The following THBS3 variants were observed in gnomAD, a reference collection of about 807,000 sequenced individuals.
The protein encoded by THBS3 is thrombospondin-3.
A neutral mutation model predicts 118.3 loss-of-function variants in THBS3; 78 were observed. The ratio of observed to expected loss-of-function variants is 0.66; its 90% CI spans 0.55 to 0.80. THBS3 has a LOEUF of 0.80. Among genes scored for constraint, THBS3 ranks in the 30% least tolerant of loss-of-function variants. THBS3 has a pLI of 0.00. For missense variants in THBS3, 1,057 were observed against 1,247.4 expected, an observed-to-expected ratio of 0.85 and a Z score of 2.30; for synonymous variants, 427 against 475.3, an observed-to-expected ratio of 0.90 and a Z score of 1.32.
chr1:155,196,174 G>T, intron 21 of THBS3, 48 bp from the exon 22 acceptor site: 1 of 1,607,236 alleles, frequency 6.2e-7, no homozygotes, highest in South Asian at 1.1e-5. Context: ...TAGGGTGCCA[G>T]TGGGCACTGT....
In THBS3 at chr1:155,197,603, T is replaced by C; in HGVS notation, c.2359A>G (p.Thr787Ala). 6.2e-7 allele frequency: 1 copy of C among 1,612,730 alleles called. No individual in the cohort carries two copies. The highest frequency in any genetic ancestry group is 8.5e-7 in the Non-Finnish European group (1 of 1,179,808). Residue 787 changes from threonine (T) to alanine (A), a missense_variant, in exon 20 of 23, where the codon ACT becomes GCT. By Grantham distance (58) the Thr-to-Ala change is moderately conservative. Transcript: ENST00000368378. This position sits in a 1 kb window ranked among gnomAD's most constrained non-coding sequence, Gnocchi z 5.0. Reference sequence around the variant, plus strand: ...AGAAAGCCTGCGTAGTCATCATCAGTCACTGTGTTCACATGGAAGGTGCCT... The same window carrying C: ...AGAAAGCCTGCGTAGTCATCATCAGCCACTGTGTTCACATGGAAGGTGCCT... ...FEGTFHVNTV[T>A]DDDYAGFLFS...
chr1:155,203,487 C>T (rs908483030), intron 5 of THBS3, 26 bp downstream of exon 5: 37 of 1,612,924 alleles, frequency 2.3e-5, no homozygotes, highest in Non-Finnish European at 2.9e-5. Flanking sequence ...CCGCTCCCCG[C>T]TTCCGCTTCA....
Position 155,197,098 on chromosome 1 carries a change from C to T in THBS3, c.2615G>A (p.Arg872Gln), listed in dbSNP as rs1261376828. 11 of 1,614,048 alleles carry T rather than the reference C, an allele frequency of 6.8e-6. No homozygotes were observed. The highest frequency in any genetic ancestry group is 2.2e-5 in the East Asian group (1 of 44,902). ...LWTDPRNVGW[R>Q]DKTSYRWQLL... ...CTGCCAGCGATAGGAGGTCTTGTCCCGCCAGCCCACATTTCGTGGGTCTGT... is the reference window on the plus strand; with the variant it reads ...CTGCCAGCGATAGGAGGTCTTGTCCTGCCAGCCCACATTTCGTGGGTCTGT... The change falls in exon 21 of 23, where the codon CGG becomes CAG. Residue 872 changes from arginine (R) to glutamine (Q), a missense_variant. Transcript: ENST00000368378. The surrounding 1 kb of genome is among the most constrained non-coding windows in gnomAD (Gnocchi z 5.0).
In THBS3 at chr1:155,197,682, G is replaced by T; in HGVS notation, c.2303-23C>A. The T allele has an allele frequency of 6.2e-7, 1 of 1,606,814 alleles. No individual in the cohort carries two copies. The highest frequency in any genetic ancestry group is 1.3e-5 in the African/African-American group (1 of 74,816). On this transcript the variant is annotated intron_variant, in intron 19 of 22. Transcript: ENST00000368378. The surrounding 1 kb of genome is among the most constrained non-coding windows in gnomAD (Gnocchi z 5.0). The stretch of plus-strand genomic sequence containing the variant: ...ATCCTGGGGTGGGGGTGGGATAAAG[G>T]TCAGGGGCAGCAAAGCTACTGGCGG...
rs199961310 is a variant in THBS3 at position 155,207,770 on chromosome 1, C to T, written c.79+28G>A. On this transcript the variant is annotated intron_variant, in intron 1 of 22. Transcript: ENST00000368378. The stretch of plus-strand genomic sequence containing the variant: ...GGGCAAATGGGGAAGAAGCAGAGAG[C>T]GGTCTAAGAGGATGGAGACAGGCTT... 3.1e-6 allele frequency: 5 copies of T among 1,609,478 alleles called. No homozygotes were observed. In the African/African-American group the frequency reaches 4.0e-5, roughly 13 times the overall value.
Position 155,200,869 on chromosome 1 carries a change from T to A in THBS3, c.1548+28A>T. On this transcript the variant is annotated intron_variant, in intron 13 of 22. Transcript: ENST00000368378. ...AGGACAGGAGGAGGGGAGAGGAGCT[T>A]CAAGGGGCAGGGCAGTCTGGGAGTC... The A allele has an allele frequency of 1.9e-6, 3 of 1,613,984 alleles. No homozygotes were observed. The Middle Eastern group carries it at 4.9e-4, about 266-fold the overall frequency.
In THBS3 at chr1:155,195,801, G is replaced by C. The variant is rs780766488; in HGVS notation, c.*40C>G. ...CTCCAGGATGGACCCCAAGGCCAAA[G>C]GGTCTAAAATTCTGAATTCTGAATC... On this transcript the variant is annotated 3_prime_UTR_variant, in exon 23 of 23. Transcript: ENST00000368378. The C allele has an allele frequency of 6.2e-7, 1 of 1,608,466 alleles. No homozygotes were observed. The highest frequency in any genetic ancestry group is 8.5e-7 in the Non-Finnish European group (1 of 1,178,282).
intron 16 of THBS3, 60 bp downstream of exon 16, chr1:155,199,744 G>C: frequency 6.3e-7 from 1 of 1,588,074 alleles, no homozygotes; most frequent in South Asian, 1.1e-5. Flanking sequence ...GACAGAGCAA[G>C]ACTCCGTCTC....
In THBS3 at chr1:155,204,417, C is replaced by T. The variant is rs545483045; in HGVS notation, c.646+438G>A. The stretch of plus-strand genomic sequence containing the variant: ...CCAGCCTGGCCAACGTGGTGAAATC[C>T]CATCTCTACTAAAAATGCAAAAATT... On this transcript the variant is annotated intron_variant, in intron 4 of 22. Transcript: ENST00000368378. Among the ~76,000 whole-genome samples the T allele has an allele frequency of 3.3e-5, 5 of 151,952 alleles. No individual in the cohort carries two copies. The East Asian group carries it at 9.8e-4, about 30-fold the overall frequency.
upstream of THBS3, chr1:155,207,997 G>A: frequency 4.3e-6 from 2 of 469,510 alleles, no homozygotes; most frequent in South Asian, 3.8e-5. Context: ...GCAGGCGGGT[G>A]AGGGGGGGCT....
At chr1:155,209,111 GC>G, upstream of THBS3, 1 of 1,542,762 alleles carries the variant, frequency 6.5e-7, no homozygotes. Context: ...TGCCAGTCGG[GC>G]CAGAAGAAGC....
In THBS3 at chr1:155,195,631, C is replaced by A. The variant is rs941171478; in HGVS notation, c.*210G>T. ...TTTATGGCAATGTGCTGTCATCTTT[C>A]CTGGGGTTAGTGCCTGAGTAATACC... On this transcript the variant is annotated 3_prime_UTR_variant, in exon 23 of 23. Coordinates refer to ENST00000368378, the MANE Select transcript of THBS3 (RefSeq NM_007112.5). The A allele has an allele frequency of 5.3e-6, 3 of 565,774 alleles. No individual in the cohort carries two copies. Among genetic ancestry groups the A allele is most frequent in the Non-Finnish European group, 3.2e-6 (1 of 315,160 alleles). The allele number at this position is 565,774 out of a possible 1,614,324, so 35.0% of individuals were successfully genotyped here. A position where few individuals can be genotyped will look rare whatever the true frequency, so the allele number is the denominator to read the frequency against.
rs1669605756 is a variant in THBS3 at position 155,200,924 on chromosome 1, A to G, written c.1521T>C (p.Ala507=). Residue 507 remains alanine (A), a synonymous_variant, in exon 13 of 23, where the codon GCT becomes GCC. Transcript: ENST00000368378. ...DGVGDQCDDD[A]DGDGIKNVED... Reference sequence around the variant, plus strand: ...CAACATTCTTGATCCCATCCCCATCAGCATCATCATCACACTGGTCCCCCA... The same window carrying G: ...CAACATTCTTGATCCCATCCCCATCGGCATCATCATCACACTGGTCCCCCA... The G allele has an allele frequency of 1.1e-5, 17 of 1,613,990 alleles. No homozygotes were observed. Among genetic ancestry groups the G allele is most frequent in the Non-Finnish European group, 1.4e-5 (17 of 1,180,022 alleles).
rs1431977240 is a variant in THBS3, at chr1:155,197,839, C to T, written c.2302+41G>A. 1.2e-6 allele frequency: 2 copies of T among 1,613,698 alleles called. No homozygotes were observed. The highest frequency in any genetic ancestry group is 1.7e-5 in the Admixed American group (1 of 60,014). On this transcript the variant is annotated intron_variant, in intron 19 of 22. Transcript: ENST00000368378. The surrounding 1 kb of genome is among the most constrained non-coding windows in gnomAD (Gnocchi z 5.0). ...CCCTACCCTCTGCCCCTATAGGATT[C>T]CTCCATTTGGAAGTGATTGAACTGC... is the stretch of plus-strand genomic sequence containing the variant.
At position 155,201,078 on chromosome 1, in the gene THBS3, C is replaced by T. The variant is rs774838634; in HGVS notation, c.1440+16G>A. The T allele has an allele frequency of 9.9e-6, 16 of 1,614,074 alleles. No individual in the cohort carries two copies. The highest frequency in any genetic ancestry group is 6.7e-5 in the Admixed American group (4 of 60,006). ...GGGCTCCCCACTACGCCCCCTTGCC[C>T]GCCTGCTCCCTGCACCTGTTTGCAG... On this transcript the variant is annotated intron_variant, in intron 12 of 22. Coordinates refer to ENST00000368378, the MANE Select transcript of THBS3 (RefSeq NM_007112.5).
rs748612538 is a variant in THBS3 at position 155,197,177 on chromosome 1, G to A, written c.2536C>T (p.Arg846Ter). 9.9e-6 allele frequency: 16 copies of A among 1,614,062 alleles called. No homozygotes were observed. The highest frequency in any genetic ancestry group is 8.8e-5 in the South Asian group (8 of 91,090). Residue 846 changes from arginine (R) to a stop codon, truncating the protein, a stop_gained, in exon 21 of 23, where the codon CGA becomes TGA. Coordinates refer to ENST00000368378, the MANE Select transcript of THBS3 (RefSeq NM_007112.5). LOFTEE classifies it high-confidence loss of function. This position sits in a 1 kb window ranked among gnomAD's most constrained non-coding sequence, Gnocchi z 5.0. Reference sequence around the variant, plus strand: ...TGGCCAGTATGCCACAGGGCATTTCGGAGGTGCTCACCTGGGCCAGACACT... The same window carrying A: ...TGGCCAGTATGCCACAGGGCATTTCAGAGGTGCTCACCTGGGCCAGACACT... ...TSVSGPGEHL[R>*]NALWHTGHTP...
At position 155,200,020 on chromosome 1, in the gene THBS3, C is replaced by T; in HGVS notation, c.1802G>A (p.Cys601Tyr). ...CTGGGTAGGATTGCTCATTTCAGGG[C>T]AGCTGTCGCAAGCATCTCCCACCCC... ...EDGVGDACDS[C>Y]PEMSNPTQTD... is the part of the protein sequence containing the mutation. The change falls in exon 15 of 23, where the codon TGC becomes TAC. Residue 601 changes from cysteine to tyrosine, a missense_variant. By Grantham distance (194) the Cys-to-Tyr change is radical (BLOSUM62 -2). Coordinates refer to ENST00000368378, the MANE Select transcript of THBS3 (RefSeq NM_007112.5). The T allele has an allele frequency of 6.2e-7, 1 of 1,601,066 alleles. No individual in the cohort carries two copies.
rs2147915380 is a variant in THBS3 at position 155,197,758 on chromosome 1, C to T, written c.2303-99G>A. On this transcript the variant is annotated intron_variant, in intron 19 of 22. Transcript: ENST00000368378. This position sits in a 1 kb window ranked among gnomAD's most constrained non-coding sequence, Gnocchi z 5.0. ...GGATGCCTGCTATGTATGTGGCCAG[C>T]TTGTGCCACTGCCTTCTCTCTCGCC... 4 of 1,585,208 alleles carry T rather than the reference C, an allele frequency of 2.5e-6. No individual in the cohort carries two copies. The East Asian group carries it at 9.0e-5, about 36-fold the overall frequency.
At chr1:155,205,497 GC>G in intron 2 of THBS3, 181 bp from the exon 3 acceptor site, 1 of 872,120 alleles carries the variant, frequency 1.1e-6, no homozygotes, top group Non-Finnish European at 1.7e-6. Context: ...TGCTTTAGAG[GC>G]CAGGCACGGT....
Sources: gnomAD v4.1 joint callset for allele counts (sites outside exome capture counted in the v4.1 genomes callset) on GRCh38, gnomAD v4.1.1 for gene constraint, Gnocchi (gnomAD v3.1) non-coding constraint, MANE v1.5 for transcripts, NCBI Gene and HGNC (gene_info 2026-07-23, HGNC 2026-07-21) for gene names.